Variants in CPS1 observed in about 807,000 individuals in gnomAD.
The protein encoded by CPS1 is carbamoyl-phosphate synthase 1.
Under a neutral mutation model 174.6 loss-of-function variants are expected in CPS1, and 109 were observed. The ratio of observed to expected loss-of-function variants is 0.62; its 90% CI spans 0.53 to 0.73. The LOEUF is 0.73. Ranked by LOEUF, CPS1 falls within the 30% of genes least tolerant of loss-of-function variation. The pLI, the probability that CPS1 is intolerant of heterozygous loss-of-function variation, is 0.00. For missense variants in CPS1, 1,689 were observed against 1,821.9 expected (o/e 0.93, Z 1.33); for synonymous variants, 637 against 632.0 (o/e 1.01, Z -0.12).
Position 210,674,950 on chromosome 2 carries a change from G to A in CPS1, c.4150G>A (p.Glu1384Lys). Residue 1384 changes from glutamate (E) to lysine (K), a missense_variant, in exon 35 of 38, where the codon GAA (glutamate) becomes AAA (lysine). By Grantham distance (56) the Glu-to-Lys change is moderately conservative. Coordinates refer to ENST00000233072, the MANE Select transcript of CPS1 (RefSeq NM_001875.5). Reference protein sequence around the residue: ...FLGVAEQLHNEGFKLFATEAT... With the variant: ...FLGVAEQLHNKGFKLFATEAT... Reference sequence around the variant, plus strand: ...TGGTGTGGCTGAACAATTACACAATGAAGGTTTCAAGGTATGTTCATTAGT... The same window carrying A: ...TGGTGTGGCTGAACAATTACACAATAAAGGTTTCAAGGTATGTTCATTAGT... The A allele has an allele frequency of 1.2e-6, 2 of 1,613,046 alleles. No individual in the cohort carries two copies. The highest frequency in any genetic ancestry group is 1.7e-6 in the Non-Finnish European group (2 of 1,179,038).
At chr2:210,478,893 TTCCC>T (rs1176401639) in intron 1 of CPS1, among the ~76,000 whole-genome samples, 10 of 120,446 alleles carry the variant, frequency 8.3e-5, no homozygotes, top group East Asian at 3.1e-4. Flanking sequence ...GAAATAATAT[TTCCC>T]TCCCTCCCTC....
chr2:210,497,893 C>CATACATATAT (rs373767668), intron 1 of CPS1, among the ~76,000 whole-genome samples: 1 of 86,942 alleles, frequency 1.2e-5, no homozygotes, highest in Non-Finnish European at 2.3e-5. Flanking sequence ...TATATACATA[C>CATACATATAT]ATATATATAT....
At chr2:210,557,581 T>C (rs896896363) in intron 1 of CPS1, among the ~76,000 whole-genome samples, 1 of 152,044 alleles carries the variant, frequency 6.6e-6, no homozygotes, top group Non-Finnish European at 1.5e-5. Flanking sequence ...GAACCTCTGC[T>C]CCTTCCTGCA....
At chr2:210,615,173 A>G (rs373738485) in intron 20 of CPS1, among the ~76,000 whole-genome samples, 97 of 152,074 alleles carry the variant, frequency 6.4e-4, no homozygotes, top group African/African-American at 2.1e-3. Flanking sequence ...AAGTTTCAGT[A>G]ACTTAAGGTT....
chr2:210,559,912 C>A (rs1276171008), intron 1 of CPS1, among the ~76,000 whole-genome samples: 1 of 151,936 alleles, frequency 6.6e-6, no homozygotes, highest in African/African-American at 2.4e-5. Context: ...CATTTTAAAG[C>A]AAAAACTGGA....
chr2:210,616,042 AT>A (rs1429353522), intron 20 of CPS1, among the ~76,000 whole-genome samples: 24 of 152,050 alleles, frequency 1.6e-4, no homozygotes, highest in Admixed American at 3.3e-4. Flanking sequence ...CATTATATTA[AT>A]TCTAGATTTT....
intron 26 of CPS1, 150 bp from the exon 27 acceptor site, chr2:210,648,323 A>G: frequency 1.4e-6 from 1 of 716,372 alleles, no homozygotes; most frequent in Non-Finnish European, 2.3e-6. Context: ...GAAGCTAGGA[A>G]TTTTATGTAT....
At chr2:210,667,497 G>A (rs186903478) in intron 33 of CPS1, among the ~76,000 whole-genome samples, 2 of 152,180 alleles carry the variant, frequency 1.3e-5, no homozygotes, top group Admixed American at 6.5e-5. Flanking sequence ...AAACCTAAAT[G>A]GAACTTCTGT....
intron 1 of CPS1, among the ~76,000 whole-genome samples, chr2:210,500,502 T>C (rs1695111166): frequency 6.6e-6 from 1 of 152,158 alleles, no homozygotes; most frequent in Non-Finnish European, 1.5e-5. Context: ...CTATTCCAAA[T>C]GGGAGAAATT....
intron 1 of CPS1, among the ~76,000 whole-genome samples, chr2:210,499,878 A>C (rs563824461): frequency 1.3e-5 from 2 of 152,066 alleles, no homozygotes; most frequent in Admixed American, 6.6e-5. Context: ...ATCTTTCACA[A>C]TATCAGGGGA....
chr2:210,533,775 G>C (rs190781644), intron 1 of CPS1, among the ~76,000 whole-genome samples: 1 of 152,256 alleles, frequency 6.6e-6, no homozygotes, highest in East Asian at 1.9e-4. Context: ...CCCTACAGCT[G>C]TTTCTGGAAG....
At chr2:210,676,368 A>C (rs1436856113) in intron 36 of CPS1, among the ~76,000 whole-genome samples, 1 of 152,174 alleles carries the variant, frequency 6.6e-6, no homozygotes, top group African/African-American at 2.4e-5. Flanking sequence ...GATTGTGTGA[A>C]TCTTCAGGAA....
intron 30 of CPS1, 103 bp downstream of exon 30, chr2:210,656,735 G>A: frequency 1.2e-6 from 1 of 805,222 alleles, no homozygotes; most frequent in Non-Finnish European, 2.1e-6. Context: ...TGTAAGATAT[G>A]CTGCAGGTTA....
At chr2:210,596,223 T>A (rs1698477162) in intron 13 of CPS1, among the ~76,000 whole-genome samples, 2 of 151,950 alleles carry the variant, frequency 1.3e-5, no homozygotes, top group Admixed American at 1.3e-4. Context: ...TGTAGTAAAA[T>A]AAAACTTTAG....
chr2:210,557,803 G>A (rs1696963103), intron 1 of CPS1, among the ~76,000 whole-genome samples: 1 of 152,048 alleles, frequency 6.6e-6, no homozygotes, highest in African/African-American at 2.4e-5. Context: ...ACAGTTTGGA[G>A]TGTTCTGCTT....
At chr2:210,529,873 G>A (rs141007419) in intron 1 of CPS1, among the ~76,000 whole-genome samples, 132 of 151,692 alleles carry the variant, frequency 8.7e-4, no homozygotes, top group African/African-American at 3.0e-3. Flanking sequence ...ATTCTATTTC[G>A]GCTTGAGATA....
chr2:210,651,593 C>T (rs889354900), intron 28 of CPS1, among the ~76,000 whole-genome samples: 2 of 152,124 alleles, frequency 1.3e-5, no homozygotes, highest in African/African-American at 4.8e-5. Context: ...GCAGGTGTCC[C>T]CTCTTGTCTG....
chr2:210,654,610 T>C (rs1700652465), intron 29 of CPS1, among the ~76,000 whole-genome samples: 1 of 152,188 alleles, frequency 6.6e-6, no homozygotes, highest in African/African-American at 2.4e-5. Context: ...TCTAATACAA[T>C]GAATACCTCC....
Position 210,600,617 on chromosome 2 carries a change from G to T in CPS1, c.1612G>T (p.Val538Phe). Residue 538 changes from valine to phenylalanine, a missense_variant, in exon 15 of 38, where the codon GTT becomes TTT. Physicochemically the swap from Val to Phe is conservative, Grantham distance 50 (BLOSUM62 -1). Coordinates refer to ENST00000233072, the MANE Select transcript of CPS1 (RefSeq NM_001875.5). ...EYGVKVLGTS[V>F]ESIMATEDRQ... is the part of the protein sequence containing the mutation. ...TGGTGTGAAAGTCCTGGGAACTTCA[G>T]TTGAGTCCATTATGGCTACGGAAGA... The T allele has an allele frequency of 6.2e-7, 1 of 1,612,364 alleles. No individual in the cohort carries two copies.
Sources: allele counts gnomAD v4.1 joint callset (sites outside exome capture counted in the v4.1 genomes callset), GRCh38; gene constraint gnomAD v4.1.1; transcripts MANE v1.5; gene names NCBI Gene and HGNC (gene_info 2026-07-23, HGNC 2026-07-21).